The following FBXL7 variants were observed in gnomAD, a reference collection of about 807,000 sequenced individuals.
FBXL7 encodes the protein F-box and leucine rich repeat protein 7.
FBXL7 carries 12 observed loss-of-function variants against 38.3 expected under a neutral mutation model. The observed-to-expected ratio is 0.31, with a 90% confidence interval of 0.20 to 0.51. The LOEUF (loss-of-function observed/expected upper bound fraction) is 0.51. Among genes scored for constraint, FBXL7 ranks in the 20% least tolerant of loss-of-function variants. FBXL7 has a pLI of 0.98. For synonymous variants in FBXL7, 297 were observed against 300.9 expected (o/e 0.99, Z 0.13); for missense variants, 567 against 676.4 (o/e 0.84, Z 1.79).
intron 1 of FBXL7, among the ~76,000 whole-genome samples, chr5:15,504,288 G>A (rs1025779344): frequency 6.6e-6 from 1 of 152,124 alleles, no homozygotes; most frequent in Non-Finnish European, 1.5e-5. Flanking sequence ...ATGCCGTAAG[G>A]GACCACTTCA....
intron 2 of FBXL7, among the ~76,000 whole-genome samples, chr5:15,927,375 C>T (rs1215775118): frequency 1.3e-5 from 2 of 152,104 alleles, no homozygotes; most frequent in African/African-American, 4.8e-5. Context: ...ATGGGCGACA[C>T]GTGCATGTGC....
chr5:15,567,844 G>A (rs1237241431), intron 1 of FBXL7, among the ~76,000 whole-genome samples: 2 of 151,898 alleles, frequency 1.3e-5, no homozygotes, highest in East Asian at 3.9e-4. Flanking sequence ...AGAACATACA[G>A]TGTTTGGTTT....
chr5:15,821,853 TC>T (rs1738178296), intron 2 of FBXL7, among the ~76,000 whole-genome samples: 1 of 152,074 alleles, frequency 6.6e-6, no homozygotes, highest in South Asian at 2.1e-4. Context: ...GGTCCTCATT[TC>T]CCCCTTATCC....
At chr5:15,744,077 T>G (rs1387393715) in intron 2 of FBXL7, among the ~76,000 whole-genome samples, 3 of 152,230 alleles carry the variant, frequency 2.0e-5, no homozygotes, top group Non-Finnish European at 4.4e-5. Context: ...GGGGCTGCTG[T>G]GAAGACCTCT....
Position 15,551,317 on chromosome 5 carries a change from G to C in FBXL7, c.37+50604G>C, listed in dbSNP as rs1037729145. ...TTTACTTTAGCTGTTAGGCAGCAAC[G>C]TTTGAATAGTTCCCCTTTCAAGGCA... is the stretch of plus-strand genomic sequence containing the variant. On this transcript the variant is annotated intron_variant, in intron 1 of 3. Coordinates refer to ENST00000504595, the MANE Select transcript of FBXL7 (RefSeq NM_012304.5). Among the ~76,000 whole-genome samples the C allele has an allele frequency of 1.8e-4, 27 of 152,324 alleles. No homozygotes were observed. The South Asian group carries it at 5.2e-3, about 29-fold the overall frequency.
intron 2 of FBXL7, among the ~76,000 whole-genome samples, chr5:15,647,559 C>T (rs946961629): frequency 3.9e-5 from 6 of 152,018 alleles, no homozygotes; most frequent in South Asian, 2.1e-4. Flanking sequence ...AATGAATGGC[C>T]GGGGATTGCG....
At chr5:15,790,522 C>G (rs1331687418) in intron 2 of FBXL7, among the ~76,000 whole-genome samples, 1 of 152,106 alleles carries the variant, frequency 6.6e-6, no homozygotes, top group Non-Finnish European at 1.5e-5. Context: ...TTAAAGCCAC[C>G]CATGCCAGCA....
At chr5:15,808,227 A>T (rs1471017177) in intron 2 of FBXL7, among the ~76,000 whole-genome samples, 2 of 151,862 alleles carry the variant, frequency 1.3e-5, no homozygotes, top group African/African-American at 4.8e-5. Context: ...CATTTTTCAG[A>T]TTTCCTTCAT....
rs1259876537 is a variant in FBXL7 at position 15,571,104 on chromosome 5, AAAAAAAG to A, written c.38-44868_38-44862del. On this transcript the variant is annotated intron_variant, in intron 1 of 3. Transcript: ENST00000504595. ...AAGATTCTGTCTTTAAAAAAAAAAA[AAAAAAAG>A]AAAAAAGAAACTTTAAAATGTCAAT... Among the ~76,000 whole-genome samples, 363 of 151,334 alleles carry A rather than the reference AAAAAAAG, an allele frequency of 2.4e-3. 2 individuals carry two copies. The highest frequency in any genetic ancestry group is 8.1e-3 in the African/African-American group (332 of 41,114).
chr5:15,634,605 G>A (rs557614488), intron 2 of FBXL7, among the ~76,000 whole-genome samples: 45 of 152,154 alleles, frequency 3.0e-4, no homozygotes, highest in Middle Eastern at 6.8e-3. Context: ...ACAGGCGTGA[G>A]CCACTGCGCC....
intron 1 of FBXL7, among the ~76,000 whole-genome samples, chr5:15,528,223 TCTC>T (rs1450820017): frequency 6.6e-6 from 1 of 152,296 alleles, no homozygotes; most frequent in South Asian, 2.1e-4. Flanking sequence ...CAGGGAAACT[TCTC>T]CTATGGACCC....
intron 2 of FBXL7, among the ~76,000 whole-genome samples, chr5:15,815,399 A>G (rs1737987940): frequency 6.6e-6 from 1 of 152,156 alleles, no homozygotes; most frequent in African/African-American, 2.4e-5. Context: ...GCTCTTTGGG[A>G]CATTAGTGCC....
intron 2 of FBXL7, among the ~76,000 whole-genome samples, chr5:15,696,585 C>G (rs1743345580): frequency 6.6e-6 from 1 of 152,146 alleles, no homozygotes; most frequent in African/African-American, 2.4e-5. Context: ...GCCCAGCTTC[C>G]TTGCAATATT....
At chr5:15,785,684 A>G (rs1167942174) in intron 2 of FBXL7, among the ~76,000 whole-genome samples, 3 of 152,220 alleles carry the variant, frequency 2.0e-5, no homozygotes, top group African/African-American at 7.2e-5. Context: ...AGTGTGGATT[A>G]CCCCATTAGA....
At chr5:15,862,860 C>T (rs1031689036) in intron 2 of FBXL7, among the ~76,000 whole-genome samples, 5 of 152,202 alleles carry the variant, frequency 3.3e-5, no homozygotes, top group African/African-American at 7.2e-5. Context: ...TCCTTACTGA[C>T]GTGGAGGAAA....
At chr5:15,739,716 C>A (rs1358433942) in intron 2 of FBXL7, among the ~76,000 whole-genome samples, 1 of 152,134 alleles carries the variant, frequency 6.6e-6, no homozygotes, top group Non-Finnish European at 1.5e-5. Flanking sequence ...TACTTAATAT[C>A]TTTATTGTTA....
chr5:15,552,018 C>G (rs527928755), intron 1 of FBXL7, among the ~76,000 whole-genome samples: 1 of 152,292 alleles, frequency 6.6e-6, no homozygotes, highest in East Asian at 1.9e-4. Flanking sequence ...AGAATGATTA[C>G]TACTTACATT....
At chr5:15,765,574 T>G (rs1579444544) in intron 2 of FBXL7, among the ~76,000 whole-genome samples, 1 of 152,174 alleles carries the variant, frequency 6.6e-6, no homozygotes, top group Non-Finnish European at 1.5e-5. Context: ...AGAAACTTTC[T>G]AAAGAAGGAG....
intron 1 of FBXL7, among the ~76,000 whole-genome samples, chr5:15,585,766 A>T: frequency 6.6e-6 from 1 of 152,316 alleles, no homozygotes; most frequent in East Asian, 1.9e-4. Flanking sequence ...TTAGAGTTGT[A>T]TCATATTAAA....
Sources: allele counts gnomAD v4.1 joint callset (sites outside exome capture counted in the v4.1 genomes callset), GRCh38; gene constraint gnomAD v4.1.1; transcripts MANE v1.5; gene names NCBI Gene and HGNC (gene_info 2026-07-23, HGNC 2026-07-21).